LRP1: variants seen among roughly 807,000 people sequenced by gnomAD.
The protein encoded by LRP1 is LDL receptor related protein 1.
LRP1 carries 51 observed loss-of-function variants against 541.5 expected under a neutral mutation model. That is an observed-to-expected ratio of 0.09 (90% CI 0.08 to 0.12). The LOEUF (loss-of-function observed/expected upper bound fraction) is 0.12. Ranked by LOEUF, LRP1 falls within the 10% of genes least tolerant of loss-of-function variation. The pLI is 1.00. For missense variants in LRP1, 3,878 were observed against 6,376.2 expected, an observed-to-expected ratio of 0.61 and a Z score of 13.34; for synonymous variants, 2,219 against 2,470.8, an observed-to-expected ratio of 0.90 and a Z score of 3.02.
At position 57,178,969 on chromosome 12, in the gene LRP1, C is replaced by T; in HGVS notation, c.4686C>T (p.Ser1562=). The part of the protein sequence containing the change: ...LCLINYNRTV[S]CACPHLMKLH... ...TCATCAACTACAACCGGACCGTGTC[C>T]TGCGCCTGCCCCCACCTCATGAAGC... The change falls in exon 28 of 89, where the codon TCC becomes TCT. Residue 1562 remains serine, a synonymous_variant. Coordinates refer to ENST00000243077, the MANE Select transcript of LRP1 (RefSeq NM_002332.3). The surrounding 1 kb of genome is among the most constrained non-coding windows in gnomAD (Gnocchi z 5.8). 6.2e-7 allele frequency: 1 copy of T among 1,614,148 alleles called. No homozygotes were observed. The highest frequency in any genetic ancestry group is 8.5e-7 in the Non-Finnish European group (1 of 1,180,008).
rs772329528 is a variant in LRP1 at position 57,203,225 on chromosome 12, C to T, written c.10756C>T (p.Arg3586Cys). 3 of 1,610,600 alleles carry T rather than the reference C, an allele frequency of 1.9e-6. No individual in the cohort carries two copies. The highest frequency in any genetic ancestry group is 2.2e-5 in the East Asian group (1 of 44,822). ...GAGTGAGTTCTCCTGTGCCAACGGC[C>T]GCTGCATCGCGGGGCGCTGGAAATG... is the stretch of plus-strand genomic sequence containing the variant. ...SESEFSCANG[R>C]CIAGRWKCDG... The change falls in exon 69 of 89, where the codon CGC (arginine) becomes TGC (cysteine). Residue 3586 changes from arginine (R) to cysteine (C), a missense_variant. Around this residue, in one of 13 missense-constraint regions of LRP1, gnomAD observed 278 missense variants for 536.3 expected, o/e 0.52. Coordinates refer to ENST00000243077, the MANE Select transcript of LRP1 (RefSeq NM_002332.3).
At position 57,198,325 on chromosome 12, in the gene LRP1, T is replaced by C; in HGVS notation, c.9452T>C (p.Val3151Ala). 6.2e-7 allele frequency: 1 copy of C among 1,613,360 alleles called. No individual in the cohort carries two copies. The highest frequency in any genetic ancestry group is 8.5e-7 in the Non-Finnish European group (1 of 1,179,692). The change falls in exon 59 of 89, where the codon GTG (valine) becomes GCG (alanine). Residue 3151 changes from valine (V) to alanine (A), a missense_variant. Around this residue, in one of 13 missense-constraint regions of LRP1, gnomAD observed 1,100 missense variants for 1,827.4 expected, o/e 0.60. Coordinates refer to ENST00000243077, the MANE Select transcript of LRP1 (RefSeq NM_002332.3). ...SSGLREPRAL[V>A]VDVQNGYLYW... is the part of the protein sequence containing the mutation. Reference sequence around the variant, plus strand: ...GGCCTCCGTGAGCCCAGGGCTCTGGTGGTGGATGTGCAGAATGGGTATGTG... The same window carrying C: ...GGCCTCCGTGAGCCCAGGGCTCTGGCGGTGGATGTGCAGAATGGGTATGTG...
chr12:57,160,068 G>A, intron 12 of LRP1, 63 bp downstream of exon 12: 6 of 1,539,718 alleles, frequency 3.9e-6, no homozygotes, highest in African/African-American at 1.4e-5. Context: ...GATAACTGGA[G>A]GATGAAATGG....
At chr12:57,140,656 C>T (rs2035269947) in intron 2 of LRP1, among the ~76,000 whole-genome samples, 1 of 152,172 alleles carries the variant, frequency 6.6e-6, no homozygotes, top group African/African-American at 2.4e-5. Context: ...AACCTGGGAG[C>T]TATGGGAAGG....
rs376320670 is a variant in LRP1, at chr12:57,169,156, C to A, written c.3012C>A (p.Asp1004Glu). 10 of 1,610,834 alleles carry A rather than the reference C, an allele frequency of 6.2e-6. No individual in the cohort carries two copies. The highest frequency in any genetic ancestry group is 8.5e-6 in the Non-Finnish European group (10 of 1,177,448). The change falls in exon 20 of 89, where the codon GAC becomes GAA. Residue 1004 changes from aspartate to glutamate, a missense_variant. This residue lies in a region of LRP1 where 320 missense variants were observed against 547.9 expected (regional missense o/e 0.58). Coordinates refer to ENST00000243077, the MANE Select transcript of LRP1 (RefSeq NM_002332.3). ...CACCGCCAGACAATGACTGTGGGGA[C>A]AACAGTGACGAAGCCGGCTGCAGCC... ...WRCDNDNDCG[D>E]NSDEAGCSHS...
At chr12:57,151,615 C>T (rs1212194962) in intron 6 of LRP1, among the ~76,000 whole-genome samples, 1 of 152,238 alleles carries the variant, frequency 6.6e-6, no homozygotes, top group Admixed American at 6.5e-5. Context: ...GATCTCTGGG[C>T]TGAAGCCCAG....
chr12:57,133,680 T>C (rs2035089566), intron 1 of LRP1, among the ~76,000 whole-genome samples: 1 of 126,988 alleles, frequency 7.9e-6, no homozygotes. Context: ...TTCCCTTAGC[T>C]ATATCATGTG....
In LRP1 at chr12:57,184,717, G is replaced by A; in HGVS notation, c.6187-122G>A. 9.0e-7 allele frequency: 1 copy of A among 1,116,330 alleles called. No homozygotes were observed. The highest frequency in any genetic ancestry group is 1.3e-6 in the Non-Finnish European group (1 of 784,596). 69.2% of individuals were successfully genotyped at this position (1,116,330 alleles called of 1,614,324 possible). On this transcript the variant is annotated intron_variant, in intron 38 of 88. Transcript: ENST00000243077. This position sits in a 1 kb window ranked among gnomAD's most constrained non-coding sequence, Gnocchi z 7.8. The stretch of plus-strand genomic sequence containing the variant: ...GGGCAGGAGTGTATGCAGGAGGCAG[G>A]AGTGAGTTAGGGGAGGCTGAACTGA...
chr12:57,185,661 C>T lies in LRP1; in HGVS notation c.6594C>T (p.Ala2198=), dbSNP rs368597339. 5.5e-5 allele frequency: 89 copies of T among 1,613,506 alleles called. No individual in the cohort carries two copies. Among genetic ancestry groups the T allele is most frequent in the South Asian group, 5.4e-4 (49 of 91,078 alleles). Residue 2198 remains alanine, a synonymous_variant, in exon 41 of 89, where the codon GCC becomes GCT. Transcript: ENST00000243077. This position sits in a 1 kb window ranked among gnomAD's most constrained non-coding sequence, Gnocchi z 4.9. ...AEDGASCREY[A]GYLLYSERTI... is the part of the protein sequence containing the mutation. ...ACGGAGCATCGTGCCGCGAGTATGC[C>T]GGCTACCTGCTCTACTCAGAGCGCA...
At chr12:57,207,265 A>AATAAATAT (rs1362672049) in intron 76 of LRP1, among the ~76,000 whole-genome samples, 1 of 139,154 alleles carries the variant, frequency 7.2e-6, no homozygotes, top group Admixed American at 7.7e-5. Context: ...TAAATAAATA[A>AATAAATAT]ATAAATAAAT....
rs2036335257 is a variant in LRP1 at position 57,189,580 on chromosome 12, CA to C, written c.7032-1223del. ...GAGCCCAGCAGAAGGCGGGATAGTTCAATGGTGCTGGAGACGCTGGGGGTGG... is the reference window on the plus strand; with the variant it reads ...GAGCCCAGCAGAAGGCGGGATAGTTCATGGTGCTGGAGACGCTGGGGGTGG... On this transcript the variant is annotated intron_variant, in intron 42 of 88. Coordinates refer to ENST00000243077, the MANE Select transcript of LRP1 (RefSeq NM_002332.3). The surrounding 1 kb of genome is among the most constrained non-coding windows in gnomAD (Gnocchi z 4.4). Among the ~76,000 whole-genome samples the C allele has an allele frequency of 6.6e-6, 1 of 152,076 alleles. No homozygotes were observed. The highest frequency in any genetic ancestry group is 2.4e-5 in the African/African-American group (1 of 41,396).
At chr12:57,147,790 G>C (rs2035443457) in intron 6 of LRP1, among the ~76,000 whole-genome samples, 1 of 152,218 alleles carries the variant, frequency 6.6e-6, no homozygotes, top group Non-Finnish European at 1.5e-5. Context: ...TGGGCCATGT[G>C]AGTCAGACCT....
rs2036560978 is a variant in LRP1 at position 57,197,471 on chromosome 12, A to G, written c.9163-74A>G. The stretch of plus-strand genomic sequence containing the variant: ...CAAGTCTCCCCGCTTAGGTCCAACC[A>G]TCCCTCCCCCAGATGCAAATGTGGC... On this transcript the variant is annotated intron_variant, in intron 57 of 88. Coordinates refer to ENST00000243077, the MANE Select transcript of LRP1 (RefSeq NM_002332.3). The surrounding 1 kb of genome is among the most constrained non-coding windows in gnomAD (Gnocchi z 4.5). 9 of 1,612,484 alleles carry G rather than the reference A, an allele frequency of 5.6e-6. No homozygotes were observed. The highest frequency in any genetic ancestry group is 1.3e-5 in the African/African-American group (1 of 74,838).
intron 63 of LRP1, 78 bp downstream of exon 63, chr12:57,200,613 G>C (rs2036629076): frequency 7.8e-6 from 12 of 1,543,898 alleles, no homozygotes; most frequent in Non-Finnish European, 1.1e-5. Flanking sequence ...AATGGCCACT[G>C]GAGAGGCTGG....
chr12:57,203,726 G>A, intron 70 of LRP1: 1 of 637,894 alleles, frequency 1.6e-6, no homozygotes, highest in Non-Finnish European at 2.5e-6. Context: ...ACACATTTTT[G>A]TGCGGGTTGT....
In LRP1 at chr12:57,187,313, T is replaced by G. The variant is rs200072288; in HGVS notation, c.6888T>G (p.Thr2296=). 1.9e-6 allele frequency: 3 copies of G among 1,614,062 alleles called. No individual in the cohort carries two copies. The highest frequency in any genetic ancestry group is 3.3e-5 in the Admixed American group (2 of 60,006). Reference sequence around the variant, plus strand: ...TGGCCTATCACCGTGGCTGGGACACTCTCTATTGGACAAGCTACACGACAT... The same window carrying G: ...TGGCCTATCACCGTGGCTGGGACACGCTCTATTGGACAAGCTACACGACAT... ...EGLAYHRGWD[T]LYWTSYTTST... Residue 2296 remains threonine (T), a synonymous_variant, in exon 42 of 89, where the codon ACT becomes ACG. Transcript: ENST00000243077.
chr12:57,210,536 A>ACCCCCCCC, intron 82 of LRP1, 56 bp downstream of exon 82: 1 of 900,632 alleles, frequency 1.1e-6, no homozygotes, highest in Admixed American at 5.1e-5. Flanking sequence ...CAGCCCCGCC[A>ACCCCCCCC]CCCACCACCC....
chr12:57,207,255 T>C (rs1283638085), intron 76 of LRP1, among the ~76,000 whole-genome samples: 1 of 135,204 alleles, frequency 7.4e-6, no homozygotes, highest in Non-Finnish European at 1.6e-5. Flanking sequence ...AATAAATAAA[T>C]AAATAAATAA....
chr12:57,181,032 G>A, intron 33 of LRP1, 125 bp from the exon 34 acceptor site: 1 of 1,296,340 alleles, frequency 7.7e-7, no homozygotes, highest in Non-Finnish European at 1.1e-6. Context: ...AGCTGGGTAG[G>A]GTGGTGACCC....
Sources: allele counts gnomAD v4.1 joint callset (sites outside exome capture counted in the v4.1 genomes callset), GRCh38; gene constraint gnomAD v4.1.1; regional missense constraint gnomAD v4.1.1; non-coding constraint Gnocchi (gnomAD v3.1); transcripts MANE v1.5; gene names NCBI Gene and HGNC (gene_info 2026-07-23, HGNC 2026-07-21).